The following ACAN variants were observed in gnomAD, a reference collection of about 807,000 sequenced individuals.
The protein encoded by ACAN is aggrecan.
A neutral mutation model predicts 169.1 loss-of-function variants in ACAN; 47 were observed. The ratio of observed to expected loss-of-function variants is 0.28; its 90% CI spans 0.22 to 0.35. The LOEUF (loss-of-function observed/expected upper bound fraction) is 0.35. Among genes scored for constraint, ACAN ranks in the 10% least tolerant of loss-of-function variants. The pLI, the probability that ACAN is intolerant of heterozygous loss-of-function variation, is 1.00. For synonymous variants in ACAN, 1,115 were observed against 1,112.2 expected (o/e 1.00, Z -0.05); for missense variants, 2,716 against 2,759.9 (o/e 0.98, Z 0.36).
At chr15:88,826,091 G>A (rs942977514) in intron 1 of ACAN, among the ~76,000 whole-genome samples, 5 of 152,160 alleles carry the variant, frequency 3.3e-5, no homozygotes, top group South Asian at 2.1e-4. Context: ...CCAGAGGTAC[G>A]CGGTCTCTCA....
intron 1 of ACAN, among the ~76,000 whole-genome samples, chr15:88,818,543 C>T (rs371820240): frequency 6.6e-6 from 1 of 152,200 alleles, no homozygotes; most frequent in South Asian, 2.1e-4. Context: ...AGGCACCAAG[C>T]ATGTGTCTGG....
intron 10 of ACAN, chr15:88,850,105 A>T (rs936752312): frequency 3.1e-5 from 18 of 572,348 alleles, no homozygotes; most frequent in Non-Finnish European, 5.3e-5. Flanking sequence ...TGCCCTTGGC[A>T]TAGTGCCTGG....
chr15:88,808,951 C>T (rs994386975), intron 1 of ACAN, among the ~76,000 whole-genome samples: 3 of 152,152 alleles, frequency 2.0e-5, no homozygotes, highest in African/African-American at 7.2e-5. Flanking sequence ...GCTTTGGTGG[C>T]CCAGACTGAG....
At chr15:88,811,456 C>A (rs554110328) in intron 1 of ACAN, among the ~76,000 whole-genome samples, 1 of 152,324 alleles carries the variant, frequency 6.6e-6, no homozygotes, top group African/African-American at 2.4e-5. Context: ...ACTCACTGAC[C>A]CAGCAAGCGC....
At chr15:88,867,780 C>T (rs1897303999) in intron 13 of ACAN, among the ~76,000 whole-genome samples, 1 of 152,316 alleles carries the variant, frequency 6.6e-6, no homozygotes, top group Non-Finnish European at 1.5e-5. Context: ...AAAGAAAGAC[C>T]TCTAACCAAG....
At chr15:88,864,285 T>C (rs1319740852) in intron 13 of ACAN, among the ~76,000 whole-genome samples, 1 of 151,690 alleles carries the variant, frequency 6.6e-6, no homozygotes, top group Admixed American at 6.6e-5. Flanking sequence ...TTTTTTTTTT[T>C]AAGACAGAGT....
chr15:88,812,647 A>T (rs1254000677), intron 1 of ACAN, among the ~76,000 whole-genome samples: 3 of 151,976 alleles, frequency 2.0e-5, no homozygotes, highest in Non-Finnish European at 4.4e-5. Flanking sequence ...TGGTCATGCA[A>T]GTTCAAATGT....
At chr15:88,841,378 T>C (rs958900577) in intron 4 of ACAN, among the ~76,000 whole-genome samples, 4 of 152,232 alleles carry the variant, frequency 2.6e-5, no homozygotes, top group Admixed American at 6.5e-5. Context: ...TAAAGTTTTA[T>C]TGGGACACAG....
chr15:88,838,995 G>T lies in ACAN; in HGVS notation c.403G>T (p.Val135Leu). 6.2e-7 allele frequency: 1 copy of T among 1,611,316 alleles called. No individual in the cohort carries two copies. Among genetic ancestry groups the T allele is most frequent in the South Asian group, 1.1e-5 (1 of 91,088 alleles). The change falls in exon 3 of 19, where the codon GTG (valine) becomes TTG (leucine). Residue 135 changes from valine (V) to leucine (L), a missense_variant. Val to Leu is a conservative substitution (Grantham distance 32, BLOSUM62 1). Around this residue, in one of 3 missense-constraint regions of ACAN, gnomAD observed 1,283 missense variants for 1,281.5 expected, o/e 1.00. Transcript: ENST00000560601. The surrounding 1 kb of genome is among the most constrained non-coding windows in gnomAD (Gnocchi z 5.1). ...TGACTCTGGGGTCTACCGCTGCGAG[G>T]TGATGCATGGCATCGAGGACAGCGA... is the stretch of plus-strand genomic sequence containing the variant. Reference protein sequence around the residue: ...SNDSGVYRCEVMHGIEDSEAT... With the variant: ...SNDSGVYRCELMHGIEDSEAT...
rs369619909 is a variant in ACAN, at chr15:88,856,973, C to G, written c.4388C>G (p.Ala1463Gly). ...GAAGTTCTAGAGACTTCTACCTCTG[C>G]GGTAGGGGACCTCAGTGGACTTCCT... ...SGEVLETSTSAVGDLSGLPSG... is the reference protein window; with the variant it reads ...SGEVLETSTSGVGDLSGLPSG... Residue 1463 changes from alanine to glycine, a missense_variant, in exon 12 of 19, where the codon GCG (alanine) becomes GGG (glycine). Coordinates refer to ENST00000560601, the MANE Select transcript of ACAN (RefSeq NM_001369268.1). The G allele has an allele frequency of 6.8e-6, 11 of 1,611,228 alleles. No individual in the cohort carries two copies. In the East Asian group the frequency reaches 2.5e-4, roughly 36 times the overall value.
At chr15:88,829,458 T>A (rs1896305548) in intron 1 of ACAN, among the ~76,000 whole-genome samples, 1 of 152,148 alleles carries the variant, frequency 6.6e-6, no homozygotes, top group South Asian at 2.1e-4. Context: ...CAGCTGCAGT[T>A]GGGGTGACTC....
chr15:88,833,510 G>A (rs2063921), intron 1 of ACAN, among the ~76,000 whole-genome samples: 90,897 of 151,756 alleles, frequency 0.6, 27,731 homozygotes, highest in Middle Eastern at 0.71. Context: ...GGGACTCAGG[G>A]CTGCCAAAGT....
chr15:88,828,772 T>C lies in ACAN; in HGVS notation c.-7-7428T>C, dbSNP rs561510216. 9.2e-5 allele frequency among the ~76,000 whole-genome samples: 14 copies of C among 152,256 alleles called. No homozygotes were observed. The East Asian group carries it at 1.5e-3, about 17-fold the overall frequency. Reference sequence around the variant, plus strand: ...TTGGAATCTCAGGGAACTCCAGAGTTAATTCTCCCACCTGCCCCCATTTCA... The same window carrying C: ...TTGGAATCTCAGGGAACTCCAGAGTCAATTCTCCCACCTGCCCCCATTTCA... On this transcript the variant is annotated intron_variant, in intron 1 of 18. Transcript: ENST00000560601.
At chr15:88,844,916 A>G (rs1896756546) in intron 6 of ACAN, among the ~76,000 whole-genome samples, 1 of 152,170 alleles carries the variant, frequency 6.6e-6, no homozygotes, top group Admixed American at 6.5e-5. Flanking sequence ...CCACAACCTG[A>G]TCTTACAGGA....
At position 88,855,235 on chromosome 15, in the gene ACAN, G is replaced by A. The variant is rs1897024709; in HGVS notation, c.2650G>A (p.Gly884Arg). Residue 884 changes from glycine (G) to arginine (R), a missense_variant, in exon 12 of 19, where the codon GGG becomes AGG. This residue lies in a region of ACAN where 1,283 missense variants were observed against 1,281.5 expected (regional missense o/e 1.00). Transcript: ENST00000560601. ...TGTTTCAGGACACCTTGACTTCAGT[G>A]GGCAGCTGTCAGGGGACAGGGCAAG... is the stretch of plus-strand genomic sequence containing the variant. ...GDVSGHLDFSGQLSGDRASGL... is the reference protein window; with the variant it reads ...GDVSGHLDFSRQLSGDRASGL... The A allele has an allele frequency of 1.2e-6, 2 of 1,604,568 alleles. No individual in the cohort carries two copies. Among genetic ancestry groups the A allele is most frequent in the African/African-American group, 2.7e-5 (2 of 74,740 alleles).
At position 88,854,890 on chromosome 15, in the gene ACAN, G is replaced by A. The variant is rs1364015558; in HGVS notation, c.2305G>A (p.Glu769Lys). ...PTWPPTGAAT[E>K]ESTEGPSATE... ...TTGGCCTCCCACTGGCGCAGCAACA[G>A]AGGAAAGTACAGAAGGCCCTTCTGC... The change falls in exon 12 of 19, where the codon GAG becomes AAG. Residue 769 changes from glutamate to lysine, a missense_variant. Glu to Lys is a moderately conservative substitution (Grantham distance 56). This residue lies in a region of ACAN where 1,283 missense variants were observed against 1,281.5 expected (regional missense o/e 1.00). Transcript: ENST00000560601. 5 of 1,528,386 alleles carry A rather than the reference G, an allele frequency of 3.3e-6. No individual in the cohort carries two copies. Among genetic ancestry groups the A allele is most frequent in the Non-Finnish European group, 4.4e-6 (5 of 1,144,962 alleles). The allele number at this position is 1,528,386 out of a possible 1,614,324, so 94.7% of individuals were successfully genotyped here.
intron 12 of ACAN, among the ~76,000 whole-genome samples, chr15:88,860,072 CTTTTTTTTTTTT>C (rs57985365): frequency 3.1e-4 from 32 of 102,894 alleles, no homozygotes; most frequent in Non-Finnish European, 5.3e-4. Flanking sequence ...GCTGATTTTC[CTTTTTTTTTTTT>C]TTTTTTTTTG....
At chr15:88,826,365 C>CTT in intron 1 of ACAN, among the ~76,000 whole-genome samples, 1 of 142,430 alleles carries the variant, frequency 7.0e-6, no homozygotes. Flanking sequence ...GTATAGTGGC[C>CTT]TTTTTTTTCT....
Position 88,868,622 on chromosome 15 carries a change from A to G in ACAN, c.7060+293A>G, listed in dbSNP as rs1195964743. Among the ~76,000 whole-genome samples, 1 of 152,226 alleles carries G rather than the reference A, an allele frequency of 6.6e-6. No homozygotes were observed. The highest frequency in any genetic ancestry group is 1.9e-4 in the East Asian group (1 of 5,198). ...GGTGTATGGTTCAGACTAAGAGGAC[A>G]GGGCTGATTCTGAGCACTTGTCTTG... On this transcript the variant is annotated intron_variant, in intron 14 of 18. Transcript: ENST00000560601. This position sits in a 1 kb window ranked among gnomAD's most constrained non-coding sequence, Gnocchi z 5.2.
Sources: allele counts gnomAD v4.1 joint callset (sites outside exome capture counted in the v4.1 genomes callset), GRCh38; gene constraint gnomAD v4.1.1; regional missense constraint gnomAD v4.1.1; non-coding constraint Gnocchi (gnomAD v3.1); transcripts MANE v1.5; gene names NCBI Gene and HGNC (gene_info 2026-07-23, HGNC 2026-07-21).